Variants in TBCK observed in about 807,000 individuals in gnomAD.
TBCK encodes the protein TBC domain-containing protein kinase-like protein.
A neutral mutation model predicts 113.4 loss-of-function variants in TBCK; 99 were observed. The ratio of observed to expected loss-of-function variants is 0.87; its 90% CI spans 0.74 to 1.03. TBCK has a LOEUF of 1.03. Among genes scored for constraint, TBCK ranks in the 50% least tolerant of loss-of-function variants. The pLI is 0.00. For synonymous variants in TBCK, 369 were observed against 370.8 expected (o/e 1.00, Z 0.05); for missense variants, 1,045 against 1,061.3 (o/e 0.98, Z 0.21).
chr4:106,227,673 C>T (rs922746905), intron 19 of TBCK, among the ~76,000 whole-genome samples: 1 of 151,686 alleles, frequency 6.6e-6, no homozygotes, highest in African/African-American at 2.4e-5. Flanking sequence ...TTTAAAATAA[C>T]GTAGGAAGAA....
chr4:106,202,192 TA>T (rs1282462208), intron 20 of TBCK, among the ~76,000 whole-genome samples: 1 of 140,668 alleles, frequency 7.1e-6, no homozygotes, highest in East Asian at 2.1e-4. Flanking sequence ...TTTTTTTTTT[TA>T]AATTAGGAGA....
At chr4:106,077,027 G>C (rs1738270983) in intron 25 of TBCK, among the ~76,000 whole-genome samples, 1 of 152,122 alleles carries the variant, frequency 6.6e-6, no homozygotes, top group African/African-American at 2.4e-5. Context: ...TTTGAGCCCA[G>C]GATGCAGAGG....
At chr4:106,257,215 G>T (rs1762087156) in intron 5 of TBCK, among the ~76,000 whole-genome samples, 1 of 152,112 alleles carries the variant, frequency 6.6e-6, no homozygotes, top group Non-Finnish European at 1.5e-5. Flanking sequence ...GTGAAATTTT[G>T]CCATACTTAT....
chr4:106,056,100 CTGAT>C (rs1439257592), intron 25 of TBCK, among the ~76,000 whole-genome samples: 1 of 151,038 alleles, frequency 6.6e-6, no homozygotes, highest in Non-Finnish European at 1.5e-5. Flanking sequence ...AAATGCTCAG[CTGAT>C]TATTTTTCCA....
In TBCK at chr4:106,137,876, G is replaced by C. The variant is rs1358005576; in HGVS notation, c.2236-21498C>G. Among the ~76,000 whole-genome samples, 11 of 140,888 alleles carry C rather than the reference G, an allele frequency of 7.8e-5. 3 individuals are homozygous for C. Among genetic ancestry groups the C allele is most frequent in the Non-Finnish European group, 1.6e-4 (10 of 61,964 alleles). The allele number at this position is 140,888 out of a possible 152,430, so 92.4% of individuals were successfully genotyped here. On this transcript the variant is annotated intron_variant, in intron 23 of 25. Transcript: ENST00000394708. ...TGTACAAGCTAAGCTTCTGTAAAGA[G>C]AGTAATTTTTTCTTTGCTATACGGT...
chr4:106,255,228 T>G (rs1220482417), intron 5 of TBCK, among the ~76,000 whole-genome samples: 3 of 152,252 alleles, frequency 2.0e-5, no homozygotes, highest in Non-Finnish European at 4.4e-5. Context: ...GATTTTGTGG[T>G]GTCACTTTGT....
intron 23 of TBCK, among the ~76,000 whole-genome samples, chr4:106,169,179 G>C (rs750373663): frequency 6.6e-6 from 1 of 152,032 alleles, no homozygotes; most frequent in Non-Finnish European, 1.5e-5. Context: ...AATCAAAATA[G>C]CAGCAAGTTA....
intron 22 of TBCK, among the ~76,000 whole-genome samples, chr4:106,174,318 A>G (rs1276321291): frequency 6.6e-6 from 1 of 152,102 alleles, no homozygotes; most frequent in Non-Finnish European, 1.5e-5. Context: ...GAAAGAGTAC[A>G]CAGGAGGTAA....
Position 106,141,124 on chromosome 4 carries a change from A to T in TBCK, c.2236-24746T>A, listed in dbSNP as rs560974532. Among the ~76,000 whole-genome samples the T allele has an allele frequency of 2.4e-4, 34 of 141,086 alleles. 7 individuals are homozygous for T. The South Asian group carries it at 7.4e-3, about 31-fold the overall frequency. 92.6% of individuals were successfully genotyped at this position (141,086 alleles called of 152,430 possible). On this transcript the variant is annotated intron_variant, in intron 23 of 25. Coordinates refer to ENST00000394708, the MANE Select transcript of TBCK (RefSeq NM_001163435.3). ...AAACACTGCCATTTAATGTAAGTGT[A>T]AGATAAAGATGTCCACCATTACCAT...
At chr4:106,087,690 T>C (rs1006857574) in intron 25 of TBCK, among the ~76,000 whole-genome samples, 1 of 152,156 alleles carries the variant, frequency 6.6e-6, no homozygotes, top group Non-Finnish European at 1.5e-5. Context: ...CTATACTACA[T>C]GGCTACAGTG....
At chr4:106,088,304 A>C (rs917844960) in intron 25 of TBCK, among the ~76,000 whole-genome samples, 3 of 152,238 alleles carry the variant, frequency 2.0e-5, no homozygotes, top group Non-Finnish European at 4.4e-5. Flanking sequence ...ATATATGAAC[A>C]GCTCCTCCTC....
rs1011549704 is a variant in TBCK, at chr4:106,042,622, G to C, written c.*3948C>G. 6.6e-6 allele frequency: 1 copy of C among 152,162 alleles called. No homozygotes were observed. Among genetic ancestry groups the C allele is most frequent in the Non-Finnish European group, 1.5e-5 (1 of 68,046 alleles). 9.4% of individuals were successfully genotyped at this position (152,162 alleles called of 1,614,324 possible). ...GATCTGCCTGCCTCGGCCTCCCAAA[G>C]TGAATAAGATTCTTTTGAGATGCTA... On this transcript the variant is annotated 3_prime_UTR_variant, in exon 26 of 26. Transcript: ENST00000394708.
chr4:106,105,011 C>A (rs1240664627), intron 24 of TBCK, among the ~76,000 whole-genome samples: 7 of 152,232 alleles, frequency 4.6e-5, no homozygotes, highest in African/African-American at 1.7e-4. Flanking sequence ...AGCTATCGAG[C>A]CAGTGCGAAC....
At chr4:106,052,778 T>C (rs1173991028) in intron 25 of TBCK, among the ~76,000 whole-genome samples, 2 of 151,626 alleles carry the variant, frequency 1.3e-5, no homozygotes, top group African/African-American at 4.8e-5. Context: ...TATATAAATA[T>C]AGACAAGAAA....
At chr4:106,114,736 A>G (rs1325738367) in intron 24 of TBCK, among the ~76,000 whole-genome samples, 1 of 152,190 alleles carries the variant, frequency 6.6e-6, no homozygotes, top group Non-Finnish European at 1.5e-5. Flanking sequence ...GTTATTTTTT[A>G]TGGTTTTATG....
rs764030502 is a variant in TBCK, at chr4:106,116,269, G to A, written c.2345C>T (p.Thr782Ile). The A allele has an allele frequency of 2.4e-5, 38 of 1,613,936 alleles. No homozygotes were observed. The highest frequency in any genetic ancestry group is 3.1e-5 in the Non-Finnish European group (36 of 1,179,996). The stretch of plus-strand genomic sequence containing the variant: ...ACTGGACTTTGTTTTCTTGCTGGGT[G>A]TTTTGAAGTGGCCTGTCACTGTGAG... Reference protein sequence around the residue: ...CELTVTGHFKTPSKKTKSSKP... With the variant: ...CELTVTGHFKIPSKKTKSSKP... The change falls in exon 24 of 26, where the codon ACA becomes ATA. Residue 782 changes from threonine (T) to isoleucine (I), a missense_variant. Coordinates refer to ENST00000394708, the MANE Select transcript of TBCK (RefSeq NM_001163435.3).
chr4:106,135,730 A>G (rs1746480410), intron 23 of TBCK, among the ~76,000 whole-genome samples: 1 of 141,898 alleles, frequency 7.0e-6, no homozygotes, highest in Non-Finnish European at 1.6e-5. Flanking sequence ...TACTTGGGAT[A>G]TTTCAATTAA....
intron 10 of TBCK, among the ~76,000 whole-genome samples, chr4:106,246,517 A>C (rs1760832821): frequency 6.6e-6 from 1 of 152,128 alleles, no homozygotes; most frequent in Non-Finnish European, 1.5e-5. Context: ...ATTTATAAAT[A>C]AATTATATAG....
intron 18 of TBCK, 139 bp downstream of exon 18, chr4:106,231,590 A>T: frequency 1.6e-6 from 1 of 623,328 alleles, no homozygotes; most frequent in Non-Finnish European, 2.6e-6. Flanking sequence ...CTCTAAAATG[A>T]GTCTATAATA....
Sources: gnomAD v4.1 joint callset for allele counts (sites outside exome capture counted in the v4.1 genomes callset) on GRCh38, gnomAD v4.1.1 for gene constraint, MANE v1.5 for transcripts, NCBI Gene and HGNC (gene_info 2026-07-23, HGNC 2026-07-21) for gene names.